The following CSF2RA variants were observed in gnomAD, a reference collection of about 807,000 sequenced individuals.
The protein encoded by CSF2RA is colony stimulating factor 2 receptor subunit alpha, also known as granulocyte-macrophage colony-stimulating factor receptor subunit alpha.
CSF2RA carries 42 observed loss-of-function variants against 51.6 expected under a neutral mutation model. The ratio of observed to expected loss-of-function variants is 0.81; its 90% CI spans 0.64 to 1.05. CSF2RA has a LOEUF of 1.05. Among genes scored for constraint, CSF2RA ranks in the 50% least tolerant of loss-of-function variants. The pLI, the probability that CSF2RA is intolerant of heterozygous loss-of-function variation, is 0.00. For synonymous variants in CSF2RA, 222 were observed against 193.0 expected (o/e 1.15, Z -1.24); for missense variants, 530 against 501.1 (o/e 1.06, Z -0.55).
At chrX:1,299,353 C>T (rs1175490547) in intron 9 of CSF2RA, among the ~76,000 whole-genome samples, 3 of 152,170 alleles carry the variant, frequency 2.0e-5, no homozygotes, top group African/African-American at 7.2e-5. Context: ...ACTTGGGGAT[C>T]TTAATATCCC....
intron 4 of CSF2RA, among the ~76,000 whole-genome samples, chrX:1,287,434 G>A (rs748473214): frequency 6.7e-6 from 1 of 149,908 alleles, no homozygotes; most frequent in Non-Finnish European, 1.5e-5. Context: ...TTACAGGTGT[G>A]AGCCACCGTG....
At chrX:1,319,733 T>A in the CSF2RA span, among the ~76,000 whole-genome samples, 1 of 135,216 alleles carries the variant, frequency 7.4e-6, no homozygotes, top group East Asian at 2.6e-4. Flanking sequence ...TTTTTTTTTT[T>A]AGACAGAGTC....
At chrX:1,293,282 G>A (rs28491431) in intron 7 of CSF2RA, among the ~76,000 whole-genome samples, 34,544 of 151,862 alleles carry the variant, frequency 0.23, 4,661 homozygotes, top group African/African-American at 0.38. Context: ...GCAGTGGCGG[G>A]ATCTCGGCTC....
At chrX:1,275,323 G>C (rs1303550874) in intron 2 of CSF2RA, among the ~76,000 whole-genome samples, 1 of 151,660 alleles carries the variant, frequency 6.6e-6, no homozygotes, top group Non-Finnish European at 1.5e-5. Flanking sequence ...CCCAGGAGGC[G>C]TAGGTTGCAG....
At chrX:1,300,458 C>T (rs768501832) in intron 9 of CSF2RA, 33 bp from the exon 10 acceptor site, 12 of 1,613,388 alleles carry the variant, frequency 7.4e-6, no homozygotes, top group South Asian at 2.2e-5. Flanking sequence ...ACACAGAAGA[C>T]GCCTATCTCT....
chrX:1,321,856 G>A, the CSF2RA span, among the ~76,000 whole-genome samples: 1 of 152,078 alleles, frequency 6.6e-6, no homozygotes, highest in Non-Finnish European at 1.5e-5. Context: ...TCAGCCGGGT[G>A]CGGTGGCTCA....
chrX:1,324,404 GA>G, the CSF2RA span, among the ~76,000 whole-genome samples: 4 of 117,742 alleles, frequency 3.4e-5, no homozygotes, highest in East Asian at 7.6e-4. Flanking sequence ...AAGGAAAAAG[GA>G]AAAGAAAGGA....
At chrX:1,272,923 A>G (rs1357383014) in intron 1 of CSF2RA, among the ~76,000 whole-genome samples, 9 of 149,760 alleles carry the variant, frequency 6.0e-5, no homozygotes, top group Non-Finnish European at 1.3e-4. Context: ...AGGTCAAGCA[A>G]TTCTCCTGCC....
chrX:1,290,210 TTTTTG>T (rs1178655949), intron 6 of CSF2RA, 122 bp from the exon 7 acceptor site: 5 of 786,850 alleles, frequency 6.4e-6, no homozygotes, highest in Non-Finnish European at 8.4e-6. Flanking sequence ...TTGTTTTGTG[TTTTTG>T]TTTTGTGTTT....
At chrX:1,269,162 G>T (rs181324541) in intron 1 of CSF2RA, among the ~76,000 whole-genome samples, 1 of 152,154 alleles carries the variant, frequency 6.6e-6, no homozygotes, top group Admixed American at 6.6e-5. Context: ...CAGGGAGGGG[G>T]CTTCTGTGAA....
chrX:1,317,877 G>A, the CSF2RA span, among the ~76,000 whole-genome samples: 1 of 151,864 alleles, frequency 6.6e-6, no homozygotes, highest in African/African-American at 2.4e-5. Flanking sequence ...GCGACTCTTG[G>A]CTCACGGCAG....
intron 2 of CSF2RA, among the ~76,000 whole-genome samples, chrX:1,277,753 G>T (rs1303281622): frequency 7.4e-5 from 11 of 148,748 alleles, no homozygotes; most frequent in African/African-American, 2.7e-4. Context: ...GAGGTGGGCA[G>T]ATCACCTGAG....
chrX:1,296,008 C>T (rs1474344528), intron 9 of CSF2RA, among the ~76,000 whole-genome samples: 1 of 151,342 alleles, frequency 6.6e-6, no homozygotes, highest in African/African-American at 2.4e-5. Flanking sequence ...CTACAGTCTC[C>T]TACTCACGAC....
the CSF2RA span, among the ~76,000 whole-genome samples, chrX:1,317,412 C>T: frequency 6.7e-6 from 1 of 149,226 alleles, no homozygotes; most frequent in South Asian, 2.1e-4. Context: ...CCACCACGCC[C>T]GGCTAATTGT....
chrX:1,300,005 G>A (rs774357281), intron 9 of CSF2RA, among the ~76,000 whole-genome samples: 1 of 151,416 alleles, frequency 6.6e-6, no homozygotes, highest in South Asian at 2.1e-4. Context: ...ATCACGAGGT[G>A]AGGAGATCGA....
At chrX:1,322,794 A>G in the CSF2RA span, among the ~76,000 whole-genome samples, 2 of 152,066 alleles carry the variant, frequency 1.3e-5, no homozygotes, top group African/African-American at 4.8e-5. Flanking sequence ...AGAATGGGAC[A>G]TTATTTCAAA....
downstream of CSF2RA, among the ~76,000 whole-genome samples, chrX:1,313,099 T>C (rs2084255705): frequency 6.6e-6 from 1 of 151,990 alleles, no homozygotes; most frequent in South Asian, 2.1e-4. Flanking sequence ...TCAGGCCCTA[T>C]TTACCTCAGA....
chrX:1,285,050 T>C lies in CSF2RA; in HGVS notation c.77-728T>C, dbSNP rs187328229. Among the ~76,000 whole-genome samples, 646 of 150,138 alleles carry C rather than the reference T, an allele frequency of 4.3e-3. 5 individuals carry two copies. The highest frequency in any genetic ancestry group is 0.016 in the African/African-American group (628 of 39,756). The stretch of plus-strand genomic sequence containing the variant: ...ACAGATGTGCACCATCACACCTGCC[T>C]AATTTAAATTTTTAAAAAAAAATTT... On this transcript the variant is annotated intron_variant, in intron 3 of 12. Coordinates refer to ENST00000381529, the MANE Select transcript of CSF2RA (RefSeq NM_172245.4).
At chrX:1,284,153 C>A (rs138516591) in intron 3 of CSF2RA, among the ~76,000 whole-genome samples, 2,238 of 150,214 alleles carry the variant, frequency 0.015, 57 homozygotes, top group African/African-American at 0.053. Flanking sequence ...GATAAAGAGC[C>A]TTTGCCTGTT....
Sources: allele counts gnomAD v4.1 joint callset (sites outside exome capture counted in the v4.1 genomes callset), GRCh38; gene constraint gnomAD v4.1.1; transcripts MANE v1.5; gene names NCBI Gene and HGNC (gene_info 2026-07-23, HGNC 2026-07-21).